Variants in CARD14 observed in about 807,000 individuals in gnomAD.
CARD14 encodes caspase recruitment domain family member 14, also known as caspase recruitment domain-containing protein 14.
In CARD14, 107 loss-of-function variants were observed where a neutral mutation model predicts 111.5. The ratio of observed to expected loss-of-function variants is 0.96; its 90% confidence interval spans 0.82 to 1.13. The LOEUF (loss-of-function observed/expected upper bound fraction) is 1.13, where lower values mean the gene tolerates loss of function less well. Among genes scored for constraint, CARD14 ranks in the 50% most tolerant of loss-of-function variants. The pLI, the probability that CARD14 is intolerant of heterozygous loss-of-function variation, is 0.00. For missense variants in CARD14, 1,322 were observed against 1,362.3 expected, an observed-to-expected ratio of 0.97 and a Z score of 0.47; for synonymous variants, 617 against 579.6, an observed-to-expected ratio of 1.06 and a Z score of -0.93.
At chr17:80,207,420 G>A (rs1048154787) in intron 23 of CARD14, among the ~76,000 whole-genome samples, 9 of 152,102 alleles carry the variant, frequency 5.9e-5, no homozygotes. Context: ...GTGTGGCGGC[G>A]GGCGCCTGTA....
intron 5 of CARD14, 48 bp downstream of exon 5, chr17:80,181,697 A>T: frequency 6.8e-7 from 1 of 1,475,922 alleles, no homozygotes; most frequent in Non-Finnish European, 9.1e-7. Flanking sequence ...CCCGTGGCCC[A>T]CATGGCTCCA....
At chr17:80,206,926 G>T (rs1437126045) in intron 22 of CARD14, 44 bp from the exon 23 acceptor site, 1 of 1,469,298 alleles carries the variant, frequency 6.8e-7, no homozygotes, top group Admixed American at 1.7e-5. Context: ...TGCTTCCTCT[G>T]AGGCCTGTGA....
chr17:80,185,373 A>G (rs1232347926), intron 7 of CARD14, among the ~76,000 whole-genome samples: 5 of 152,120 alleles, frequency 3.3e-5, no homozygotes, highest in South Asian at 2.1e-4. Context: ...TAATCATGAC[A>G]TTTGTTGTTT....
intron 7 of CARD14, among the ~76,000 whole-genome samples, chr17:80,187,250 C>A (rs547374496): frequency 2.0e-5 from 3 of 152,220 alleles, no homozygotes; most frequent in Non-Finnish European, 4.4e-5. Flanking sequence ...TCTGCCCATA[C>A]CACTGCCATT....
chr17:80,205,732 G>T, intron 22 of CARD14, 80 bp downstream of exon 22: 1 of 1,402,894 alleles, frequency 7.1e-7, no homozygotes, highest in East Asian at 2.5e-5. Flanking sequence ...TGAGATAAAG[G>T]TACAGGGACC....
intron 12 of CARD14, among the ~76,000 whole-genome samples, chr17:80,193,855 C>T (rs775705778): frequency 2.6e-5 from 4 of 152,164 alleles, no homozygotes; most frequent in South Asian, 2.1e-4. Context: ...TCTGCCTTAA[C>T]GCCCTCTGTG....
chr17:80,205,030 C>G lies in CARD14; in HGVS notation c.2399-5C>G. On this transcript the variant is annotated splice_polypyrimidine_tract_variant and splice_region_variant and intron_variant, in intron 20 of 23. Coordinates refer to ENST00000648509, the MANE Select transcript of CARD14 (RefSeq NM_001366385.1). ...CACCCACCCTCAGGATCCTCTCCTC[C>G]ACAGGCTCCAGCACGTGCTTCTGGG... 2 of 1,574,488 alleles carry G rather than the reference C, an allele frequency of 1.3e-6. No homozygotes were observed. Among genetic ancestry groups the G allele is most frequent in the South Asian group, 1.2e-5 (1 of 86,592 alleles).
At chr17:80,190,594 C>G (rs1292945441) in intron 9 of CARD14, among the ~76,000 whole-genome samples, 180 bp from the exon 10 acceptor site, 1 of 149,080 alleles carries the variant, frequency 6.7e-6, no homozygotes, top group African/African-American at 2.5e-5. Flanking sequence ...GCCTTGGCAT[C>G]GCAGCGAGTC....
intron 1 of CARD14, among the ~76,000 whole-genome samples, chr17:80,171,693 A>G (rs2039907417): frequency 6.6e-6 from 1 of 152,198 alleles, no homozygotes; most frequent in Non-Finnish European, 1.5e-5. Context: ...GGGCTCCAGA[A>G]GCCTGAGGGG....
intron 2 of CARD14, among the ~76,000 whole-genome samples, chr17:80,175,055 A>G (rs572628399): frequency 1.3e-5 from 2 of 151,912 alleles, no homozygotes; most frequent in South Asian, 4.2e-4. Context: ...ATTTCACTGC[A>G]ACCTCTGCCT....
intron 10 of CARD14, 44 bp from the exon 11 acceptor site, chr17:80,191,279 C>CG (rs1567881217): frequency 2.5e-6 from 4 of 1,592,200 alleles, no homozygotes; most frequent in Non-Finnish European, 3.4e-6. Flanking sequence ...TGAGGCTCCC[C>CG]GGTGGTGATG....
chr17:80,171,308 T>A (rs138332188), intron 1 of CARD14, among the ~76,000 whole-genome samples: 3,381 of 149,586 alleles, frequency 0.023, 127 homozygotes, highest in African/African-American at 0.08. Context: ...TCTTTCTCTC[T>A]CTCTCTCTTT....
In CARD14 at chr17:80,203,944, G is replaced by C; in HGVS notation, c.2283+59G>C. 4 of 1,396,894 alleles carry C rather than the reference G, an allele frequency of 2.9e-6. No individual in the cohort carries two copies. In the South Asian group the frequency reaches 5.0e-5, roughly 17 times the overall value. 86.5% of individuals were successfully genotyped at this position (1,396,894 alleles called of 1,614,324 possible). On this transcript the variant is annotated intron_variant, in intron 19 of 23. Transcript: ENST00000648509. This position sits in a 1 kb window ranked among gnomAD's most constrained non-coding sequence, Gnocchi z 4.6. ...GGGTGGGCTGGAAGAGGGGCTCGGT[G>C]CTGGCAGGGTGGCAGGAGGCACTGT...
chr17:80,191,230 G>C (rs2040516261), intron 10 of CARD14, 93 bp from the exon 11 acceptor site: 5 of 1,475,608 alleles, frequency 3.4e-6, no homozygotes, highest in Admixed American at 1.8e-5. Flanking sequence ...GTGGATGTCA[G>C]ATGAGCGCAG....
Position 80,198,361 on chromosome 17 carries a change from C to T in CARD14, c.1659-38C>T, listed in dbSNP as rs755837735. On this transcript the variant is annotated intron_variant, in intron 15 of 23. Transcript: ENST00000648509. The surrounding 1 kb of genome is among the most constrained non-coding windows in gnomAD (Gnocchi z 7.5). ...AGGTGGCCTTGCCGGCTCTCCTGCT[C>T]TGGGCAGTGCACAAGCCGGTCGTCT... 1 of 1,574,578 alleles carries T rather than the reference C, an allele frequency of 6.4e-7. No individual in the cohort carries two copies. The highest frequency in any genetic ancestry group is 2.3e-5 in the East Asian group (1 of 44,370).
chr17:80,183,882 C>T (rs371172263), intron 6 of CARD14, 31 bp from the exon 7 acceptor site: 6 of 1,453,098 alleles, frequency 4.1e-6, no homozygotes, highest in Non-Finnish European at 5.5e-6. Context: ...TCCCTACCTG[C>T]TCACTTGCTC....
rs1384890609 is a variant in CARD14, at chr17:80,189,115, CG to C, written c.843+572del. On this transcript the variant is annotated intron_variant, in intron 8 of 23. Coordinates refer to ENST00000648509, the MANE Select transcript of CARD14 (RefSeq NM_001366385.1). This position sits in a 1 kb window ranked among gnomAD's most constrained non-coding sequence, Gnocchi z 4.7. ...GCCCGACTTGGTGGGTTTACTGCAG[CG>C]ACTGTGTTCTGGAGTGGACTTGGCC... Among the ~76,000 whole-genome samples, 1 of 152,110 alleles carries C rather than the reference CG, an allele frequency of 6.6e-6. No individual in the cohort carries two copies. Among genetic ancestry groups the C allele is most frequent in the Non-Finnish European group, 1.5e-5 (1 of 68,024 alleles).
chr17:80,190,686 C>T (rs923907820), intron 9 of CARD14, 88 bp from the exon 10 acceptor site: 2 of 1,494,786 alleles, frequency 1.3e-6, no homozygotes, highest in Non-Finnish European at 9.1e-7. Flanking sequence ...TGTCTCCCTC[C>T]CTCCACCCCT....
At position 80,205,623 on chromosome 17, in the gene CARD14, C is replaced by A; in HGVS notation, c.2662C>A (p.Arg888Ser). The A allele has an allele frequency of 6.4e-7, 1 of 1,566,076 alleles. No individual in the cohort carries two copies. Among genetic ancestry groups the A allele is most frequent in the East Asian group, 2.3e-5 (1 of 42,664 alleles). ...EVSGGRCWVT[R>S]HAVESLMEKN... Reference sequence around the variant, plus strand: ...GTCCGGGGGCCGCTGCTGGGTGACCCGCCATGCTGTGGAGTCCCTCATGGA... The same window carrying A: ...GTCCGGGGGCCGCTGCTGGGTGACCAGCCATGCTGTGGAGTCCCTCATGGA... The change falls in exon 22 of 24, where the codon CGC becomes AGC. Residue 888 changes from arginine to serine, a missense_variant. By Grantham distance (110) the Arg-to-Ser change is moderately radical. Coordinates refer to ENST00000648509, the MANE Select transcript of CARD14 (RefSeq NM_001366385.1).
Sources: allele counts gnomAD v4.1 joint callset (sites outside exome capture counted in the v4.1 genomes callset), GRCh38; gene constraint gnomAD v4.1.1; non-coding constraint Gnocchi (gnomAD v3.1); transcripts MANE v1.5; gene names NCBI Gene and HGNC (gene_info 2026-07-23, HGNC 2026-07-21).